Variants in LOC128125818 observed in about 807,000 individuals in gnomAD.
the LOC128125818 span, among the ~76,000 whole-genome samples, chr4:6,065,497 A>C: frequency 1.5e-3 from 231 of 152,376 alleles, no homozygotes; most frequent in African/African-American, 5.2e-3. This position sits in a 1 kb window ranked among gnomAD's most constrained non-coding sequence, Gnocchi z 5.1. Flanking sequence ...TAAGGACAGC[A>C]GAGGGGGCAA....
the LOC128125818 span, among the ~76,000 whole-genome samples, chr4:6,069,528 C>T: frequency 1.3e-5 from 2 of 152,024 alleles, no homozygotes; most frequent in African/African-American, 2.4e-5. This position sits in a 1 kb window ranked among gnomAD's most constrained non-coding sequence, Gnocchi z 4.5. Context: ...GCAGAAAGAT[C>T]GCTTGAGCCC....
the LOC128125818 span, among the ~76,000 whole-genome samples, chr4:6,065,974 T>G: frequency 6.6e-6 from 1 of 152,170 alleles, no homozygotes; most frequent in African/African-American, 2.4e-5. This position sits in a 1 kb window ranked among gnomAD's most constrained non-coding sequence, Gnocchi z 5.1. Flanking sequence ...TGTCTCTTAT[T>G]TTAGGAACAT....
chr4:6,070,048 G>C, the LOC128125818 span: 1 of 398,636 alleles, frequency 2.5e-6, no homozygotes, highest in Non-Finnish European at 4.4e-6. Flanking sequence ...CCCCGAACCA[G>C]CTGCCTACCT....
chr4:6,069,912 C>T, the LOC128125818 span: 2 of 396,194 alleles, frequency 5.0e-6, no homozygotes, highest in East Asian at 7.1e-5. The surrounding 1 kb of genome is among the most constrained non-coding windows in gnomAD (Gnocchi z 4.5). Context: ...GCCCCCCAAC[C>T]AGATCCAGTC....
chr4:6,068,902 G>T, the LOC128125818 span, among the ~76,000 whole-genome samples: 1 of 151,854 alleles, frequency 6.6e-6, no homozygotes, highest in East Asian at 1.9e-4. Flanking sequence ...TATAACACTG[G>T]GTTAGTGTTT....
the LOC128125818 span, among the ~76,000 whole-genome samples, chr4:6,068,626 C>T: frequency 6.7e-6 from 1 of 148,280 alleles, no homozygotes; most frequent in Middle Eastern, 3.3e-3. Context: ...AGTGCAATCT[C>T]AACTTACTAC....
the LOC128125818 span, chr4:6,070,148 G>C: frequency 7.5e-6 from 3 of 398,802 alleles, no homozygotes; most frequent in Non-Finnish European, 1.3e-5. Flanking sequence ...ACAGCACAAA[G>C]AGGACATATT....
At chr4:6,066,405 C>T in the LOC128125818 span, among the ~76,000 whole-genome samples, 6 of 152,178 alleles carry the variant, frequency 3.9e-5, no homozygotes, top group Non-Finnish European at 7.3e-5. Flanking sequence ...TTGCATTTGG[C>T]ACCTGTCTTT....
chr4:6,067,070 C>A, the LOC128125818 span, among the ~76,000 whole-genome samples: 1 of 152,174 alleles, frequency 6.6e-6, no homozygotes, highest in Admixed American at 6.5e-5. The surrounding 1 kb of genome is among the most constrained non-coding windows in gnomAD (Gnocchi z 4.6). Flanking sequence ...CACCCCCGCC[C>A]CAGCCTCTGG....
chr4:6,065,006 C>A, the LOC128125818 span: 22 of 1,614,068 alleles, frequency 1.4e-5, no homozygotes, highest in Non-Finnish European at 1.9e-5. This position sits in a 1 kb window ranked among gnomAD's most constrained non-coding sequence, Gnocchi z 5.1. Flanking sequence ...CCACAACATG[C>A]TTCTGTAAAA....
chr4:6,065,031 T>C, the LOC128125818 span: 100 of 1,613,920 alleles, frequency 6.2e-5, no homozygotes, highest in African/African-American at 1.3e-3. The surrounding 1 kb of genome is among the most constrained non-coding windows in gnomAD (Gnocchi z 5.1). Flanking sequence ...ATTTGTATGA[T>C]GTTAGCAACG....
chr4:6,065,478 C>A, the LOC128125818 span, among the ~76,000 whole-genome samples: 1 of 152,192 alleles, frequency 6.6e-6, no homozygotes, highest in Non-Finnish European at 1.5e-5. This position sits in a 1 kb window ranked among gnomAD's most constrained non-coding sequence, Gnocchi z 5.1. Flanking sequence ...AGGAGAAGAA[C>A]TGGATGAATA....
the LOC128125818 span, among the ~76,000 whole-genome samples, chr4:6,067,587 G>GCTCTT: frequency 6.6e-6 from 1 of 151,514 alleles, no homozygotes; most frequent in African/African-American, 2.4e-5. This position sits in a 1 kb window ranked among gnomAD's most constrained non-coding sequence, Gnocchi z 4.6. Context: ...CAGCACTCAA[G>GCTCTT]CTCTTCTGCA....
chr4:6,066,525 A>G, the LOC128125818 span, among the ~76,000 whole-genome samples: 1 of 152,022 alleles, frequency 6.6e-6, no homozygotes, highest in African/African-American at 2.4e-5. Context: ...CCTTTATGGC[A>G]TTGTGGAATC....
the LOC128125818 span, chr4:6,070,026 C>T: frequency 7.8e-5 from 31 of 398,718 alleles, no homozygotes; most frequent in African/African-American, 5.7e-4. Flanking sequence ...CAGAGAACCT[C>T]AAAACGCAAA....
the LOC128125818 span, among the ~76,000 whole-genome samples, chr4:6,069,009 C>T: frequency 1.3e-5 from 2 of 152,060 alleles, no homozygotes; most frequent in Non-Finnish European, 2.9e-5. This position sits in a 1 kb window ranked among gnomAD's most constrained non-coding sequence, Gnocchi z 4.5. Context: ...CTCGATTTCT[C>T]AATATATTTG....
At chr4:6,066,878 C>T in the LOC128125818 span, among the ~76,000 whole-genome samples, 2 of 152,318 alleles carry the variant, frequency 1.3e-5, 1 homozygote, top group South Asian at 4.1e-4. Context: ...CATCATCCCT[C>T]CCTCTCCTCC....
chr4:6,068,887 C>T, the LOC128125818 span, among the ~76,000 whole-genome samples: 11 of 152,144 alleles, frequency 7.2e-5, 1 homozygote, highest in East Asian at 2.1e-3. Context: ...TTTTTTATAA[C>T]ATTTTATAAC....
the LOC128125818 span, among the ~76,000 whole-genome samples, chr4:6,066,832 G>A: frequency 6.6e-6 from 1 of 152,026 alleles, no homozygotes; most frequent in Admixed American, 6.6e-5. Context: ...AGTGGTCTGC[G>A]AGGCCCTACA....
Sources: gnomAD v4.1 joint callset for allele counts (sites outside exome capture counted in the v4.1 genomes callset) on GRCh38, gnomAD v4.1.1 for gene constraint, Gnocchi (gnomAD v3.1) non-coding constraint, MANE v1.5 for transcripts.